Variants in FEZ2 observed in about 807,000 individuals in gnomAD.
FEZ2 encodes the protein fasciculation and elongation protein zeta 2, also known as fasciculation and elongation protein zeta-2.
Under a neutral mutation model 40.4 loss-of-function variants are expected in FEZ2, and 51 were observed. That is an observed-to-expected ratio of 1.26 (90% CI 1.01 to 1.59). FEZ2 has a LOEUF of 1.59. Among genes scored for constraint, FEZ2 ranks in the 40% most tolerant of loss-of-function variants. The pLI, the probability that FEZ2 is intolerant of heterozygous loss-of-function variation, is 0.00. For missense variants in FEZ2, 640 were observed against 438.3 expected (o/e 1.46, Z -4.11); for synonymous variants, 242 against 172.0 (o/e 1.41, Z -3.18).
chr2:36,558,521 GT>G lies in FEZ2; in HGVS notation c.904-9del, dbSNP rs753074314. The G allele has an allele frequency of 6.8e-4, 976 of 1,433,552 alleles. No homozygotes were observed. The highest frequency in any genetic ancestry group is 1.4e-3 in the East Asian group (54 of 38,238). The allele number at this position is 1,433,552 out of a possible 1,614,324, so 88.8% of individuals were successfully genotyped here. On this transcript the variant is annotated splice_polypyrimidine_tract_variant and intron_variant, in intron 5 of 7. Transcript: ENST00000405912. ...AATGACTGTAGTCAAATACTGCCAA[GT>G]TTAAAAAAAAAAAGTGTCACTTAAA...
At chr2:36,593,403 C>A (rs1227213364) in intron 1 of FEZ2, among the ~76,000 whole-genome samples, 1 of 152,070 alleles carries the variant, frequency 6.6e-6, no homozygotes, top group Non-Finnish European at 1.5e-5. Context: ...TCCATGAGGG[C>A]CCTGCCCCTG....
At chr2:36,577,418 C>G (rs1288581773) in intron 5 of FEZ2, among the ~76,000 whole-genome samples, 3 of 152,094 alleles carry the variant, frequency 2.0e-5, no homozygotes, top group Non-Finnish European at 4.4e-5. Flanking sequence ...GCACCACACC[C>G]GGCTAATTTT....
chr2:36,578,660 T>C lies in FEZ2; in HGVS notation c.840A>G (p.Lys280=). 1.9e-6 allele frequency: 3 copies of C among 1,613,750 alleles called. No homozygotes were observed. Among genetic ancestry groups the C allele is most frequent in the Non-Finnish European group, 2.5e-6 (3 of 1,179,854 alleles). ...GAGAGCTGCCATTTTTTAGTTTCTTTTTCTTTTTTGCTGTTTCTTTGTGCT... is the reference window on the plus strand; with the variant it reads ...GAGAGCTGCCATTTTTTAGTTTCTTCTTCTTTTTTGCTGTTTCTTTGTGCT... ...QKEHKETAKK[K]KKLKNGSSQN... is the part of the protein sequence containing the mutation. The change falls in exon 5 of 8, where the codon AAA becomes AAG. Residue 280 remains lysine (K), a synonymous_variant. Coordinates refer to ENST00000405912, the MANE Select transcript of FEZ2 (RefSeq NM_005102.3).
Position 36,555,762 on chromosome 2 carries a change from G to T in FEZ2, c.980-14C>A. On this transcript the variant is annotated splice_polypyrimidine_tract_variant and intron_variant, in intron 6 of 7. Coordinates refer to ENST00000405912, the MANE Select transcript of FEZ2 (RefSeq NM_005102.3). ...TGGCACGAAGAACTGCAAAATAGAA[G>T]AGGGGAAAAAAGACAACAATTAAAA... The T allele has an allele frequency of 6.6e-7, 1 of 1,508,366 alleles. No individual in the cohort carries two copies. The allele number at this position is 1,508,366 out of a possible 1,614,324, so 93.4% of individuals were successfully genotyped here. A position where few individuals can be genotyped will look rare whatever the true frequency, so the allele number is the denominator to read the frequency against.
At chr2:36,597,593 T>C (rs1425544575) in intron 1 of FEZ2, among the ~76,000 whole-genome samples, 1 of 152,128 alleles carries the variant, frequency 6.6e-6, no homozygotes, top group East Asian at 1.9e-4. Flanking sequence ...AACTATGGGC[T>C]CTGCATGGGC....
intron 5 of FEZ2, among the ~76,000 whole-genome samples, chr2:36,567,839 G>A (rs1225295975): frequency 2.0e-5 from 3 of 151,948 alleles, no homozygotes; most frequent in Non-Finnish European, 2.9e-5. Context: ...TGAACTAGAA[G>A]GATAAAGGAA....
At chr2:36,575,689 T>C (rs1668549688) in intron 5 of FEZ2, among the ~76,000 whole-genome samples, 1 of 152,180 alleles carries the variant, frequency 6.6e-6, no homozygotes, top group South Asian at 2.1e-4. Flanking sequence ...TTTCCAATGC[T>C]CTAAATAGCA....
At chr2:36,566,773 T>G (rs1239973357) in intron 5 of FEZ2, among the ~76,000 whole-genome samples, 1 of 152,214 alleles carries the variant, frequency 6.6e-6, no homozygotes, top group Non-Finnish European at 1.5e-5. Flanking sequence ...ACTAATTGTG[T>G]GACAGGAGGG....
At chr2:36,593,339 T>A (rs1215248958) in intron 1 of FEZ2, among the ~76,000 whole-genome samples, 1 of 152,086 alleles carries the variant, frequency 6.6e-6, no homozygotes, top group Non-Finnish European at 1.5e-5. Flanking sequence ...GTAGGGACTC[T>A]GTGTGGGGGC....
At position 36,597,955 on chromosome 2, in the gene FEZ2, C is replaced by T. The variant is rs764306046; in HGVS notation, c.188G>A (p.Arg63His). 13 of 1,465,248 alleles carry T rather than the reference C, an allele frequency of 8.9e-6. 1 individual carries two copies. In the South Asian group the frequency reaches 9.1e-5, roughly 10 times the overall value. The allele number at this position is 1,465,248 out of a possible 1,614,324, so 90.8% of individuals were successfully genotyped here. A position where few individuals can be genotyped will look rare whatever the true frequency, so the allele number is the denominator to read the frequency against. The change falls in exon 1 of 8, where the codon CGC becomes CAC. Residue 63 changes from arginine (R) to histidine (H), a missense_variant. Coordinates refer to ENST00000405912, the MANE Select transcript of FEZ2 (RefSeq NM_005102.3). ...GGGCTCGGCGCCCGGATCCGAGGGG[C>T]GGAAGCACAGGCTCAGCTTCTCCTC... ...SLEEKLSLCF[R>H]PSDPGAEPPR...
chr2:36,568,124 T>C (rs1573008649), intron 5 of FEZ2, among the ~76,000 whole-genome samples: 1 of 152,216 alleles, frequency 6.6e-6, no homozygotes, highest in East Asian at 1.9e-4. Flanking sequence ...AGGGAAGATT[T>C]TCTCTATGCT....
In FEZ2 at chr2:36,597,914, G is replaced by T; in HGVS notation, c.229C>A (p.Arg77=). Residue 77 remains arginine, a synonymous_variant, in exon 1 of 8, where the codon CGG becomes AGG. Transcript: ENST00000405912. ...PGAEPPRTAV[R]PITERSLLQG... ...AGGAGGCTGCGCTCCGTGATGGGCC[G>T]CACGGCCGTCCTCGGGGGCTCGGCG... is the stretch of plus-strand genomic sequence containing the variant. The T allele has an allele frequency of 3.5e-6, 5 of 1,418,238 alleles. No individual in the cohort carries two copies. Among genetic ancestry groups the T allele is most frequent in the Non-Finnish European group, 4.6e-6 (5 of 1,093,744 alleles). 87.9% of individuals were successfully genotyped at this position (1,418,238 alleles called of 1,614,324 possible).
At position 36,555,752 on chromosome 2, in the gene FEZ2, C is replaced by CTTCCCTGATTT; in HGVS notation, c.980-5_980-4insAAATCAGGGAA. On this transcript the variant is annotated splice_polypyrimidine_tract_variant and splice_region_variant and intron_variant, in intron 6 of 7. Coordinates refer to ENST00000405912, the MANE Select transcript of FEZ2 (RefSeq NM_005102.3). ...TCCTCCTTCATGGCACGAAGAACTG[C>CTTCCCTGATTT]AAAATAGAAGAGGGGAAAAAAGACA... 4 of 1,537,810 alleles carry CTTCCCTGATTT rather than the reference C, an allele frequency of 2.6e-6. No homozygotes were observed. The African/African-American group carries it at 5.6e-5, about 22-fold the overall frequency.
intron 4 of FEZ2, among the ~76,000 whole-genome samples, chr2:36,580,959 C>T (rs943081948): frequency 1.3e-5 from 2 of 152,232 alleles, no homozygotes; most frequent in African/African-American, 4.8e-5. Context: ...CGAGACCAGC[C>T]TGGCCAACAT....
At chr2:36,593,010 T>G (rs574216856) in intron 1 of FEZ2, among the ~76,000 whole-genome samples, 3 of 152,154 alleles carry the variant, frequency 2.0e-5, no homozygotes, top group Non-Finnish European at 4.4e-5. Flanking sequence ...CTACTAAATT[T>G]GCTGGGTTTC....
At position 36,590,912 on chromosome 2, in the gene FEZ2, T is replaced by G; in HGVS notation, c.366A>C (p.Ser122=). The change falls in exon 2 of 8, where the codon TCA becomes TCC. Residue 122 remains serine, a synonymous_variant. Transcript: ENST00000405912. ...TCAATTCCTAACTTACCCCTTTTTC[T>G]GAGAGGTTCAGAGTAAGCAAGTGCA... is the stretch of plus-strand genomic sequence containing the variant. ...RTLHLLTLNL[S]EKGVSDSLLF... is the part of the protein sequence containing the mutation. 2 of 1,591,654 alleles carry G rather than the reference T, an allele frequency of 1.3e-6. No individual in the cohort carries two copies. Among genetic ancestry groups the G allele is most frequent in the African/African-American group, 1.3e-5 (1 of 74,584 alleles).
intron 5 of FEZ2, among the ~76,000 whole-genome samples, chr2:36,568,942 G>A (rs3770797): frequency 0.43 from 65,136 of 151,902 alleles, 14,599 homozygotes; most frequent in East Asian, 0.62. Context: ...TCTGAAAGAC[G>A]AAGAAATGGG....
At position 36,591,024 on chromosome 2, in the gene FEZ2, A is replaced by G; in HGVS notation, c.267-13T>C. 3 of 1,472,770 alleles carry G rather than the reference A, an allele frequency of 2.0e-6. No individual in the cohort carries two copies. The highest frequency in any genetic ancestry group is 2.9e-6 in the Non-Finnish European group (3 of 1,051,844). The allele number at this position is 1,472,770 out of a possible 1,614,324, so 91.2% of individuals were successfully genotyped here. On this transcript the variant is annotated splice_polypyrimidine_tract_variant and intron_variant, in intron 1 of 7. Transcript: ENST00000405912. ...GGCATTCCAAATCCTTAAAAAGAAG[A>G]AAGCTACAATCAATGAAAATTAACA...
intron 3 of FEZ2, 175 bp from the exon 4 acceptor site, chr2:36,581,606 T>A: frequency 1.7e-6 from 1 of 584,054 alleles, no homozygotes; most frequent in Non-Finnish European, 3.1e-6. Context: ...GGAGTGAACA[T>A]GGTTTATCAA....
Sources: gnomAD v4.1 joint callset for allele counts (sites outside exome capture counted in the v4.1 genomes callset) on GRCh38, gnomAD v4.1.1 for gene constraint, MANE v1.5 for transcripts, NCBI Gene and HGNC (gene_info 2026-07-23, HGNC 2026-07-21) for gene names.